GALNT2: variants seen among roughly 807,000 people sequenced by gnomAD.
GALNT2 encodes polypeptide N-acetylgalactosaminyltransferase 2.
Under a neutral mutation model 81.4 loss-of-function variants are expected in GALNT2, and 31 were observed. That is an observed-to-expected ratio of 0.38 (90% confidence interval 0.29 to 0.51). The LOEUF (loss-of-function observed/expected upper bound fraction) is 0.51, where lower values mean the gene tolerates loss of function less well. GALNT2 is among the 20% of genes least tolerant of loss of function. The pLI is 0.87. For missense variants in GALNT2, 629 were observed against 765.7 expected (o/e 0.82, Z 2.11); for synonymous variants, 303 against 287.4 (o/e 1.05, Z -0.55).
At chr1:230,103,286 A>G (rs74822290) in intron 1 of GALNT2, among the ~76,000 whole-genome samples, 2 of 152,378 alleles carry the variant, frequency 1.3e-5, no homozygotes, top group East Asian at 3.9e-4. Context: ...CAGTTTGCAC[A>G]TCATGAGACC....
In GALNT2 at chr1:230,269,135, AT is replaced by A. The variant is rs900878263; in HGVS notation, c.1440+3778del. Among the ~76,000 whole-genome samples the A allele has an allele frequency of 2.4e-4, 30 of 126,004 alleles. 1 individual carries two copies. Among genetic ancestry groups the A allele is most frequent in the African/African-American group, 7.8e-4 (25 of 32,140 alleles). 82.7% of individuals were successfully genotyped at this position (126,004 alleles called of 152,430 possible). On this transcript the variant is annotated intron_variant, in intron 14 of 15. Transcript: ENST00000366672. ...CCACATCCTGGGATTGCTCAGAGAAATTTTTTTTTTCTTTTTTTTTTTTTGA... is the reference window on the plus strand; with the variant it reads ...CCACATCCTGGGATTGCTCAGAGAAATTTTTTTTTCTTTTTTTTTTTTTGA...
chr1:230,246,126 G>A lies in GALNT2; in HGVS notation c.793G>A (p.Gly265Arg), dbSNP rs951304412. ...TAATATGGACAACTTTCAGTATGTG[G>A]GGGCATCTGCTGACTTGAAGGGCGG... Reference protein sequence around the residue: ...VINMDNFQYVGASADLKGGFD... With the variant: ...VINMDNFQYVRASADLKGGFD... The change falls in exon 8 of 16, where the codon GGG becomes AGG. Residue 265 changes from glycine to arginine, a missense_variant. By Grantham distance (125) the Gly-to-Arg change is moderately radical. Transcript: ENST00000366672. The A allele has an allele frequency of 2.5e-6, 4 of 1,614,040 alleles. No individual in the cohort carries two copies. Among genetic ancestry groups the A allele is most frequent in the Non-Finnish European group, 3.4e-6 (4 of 1,179,980 alleles).
intron 1 of GALNT2, among the ~76,000 whole-genome samples, chr1:230,061,223 T>C (rs1263919937): frequency 6.6e-6 from 1 of 151,618 alleles, no homozygotes; most frequent in Non-Finnish European, 1.5e-5. Flanking sequence ...TGTGTGTGTG[T>C]GTCTGTATGA....
intron 1 of GALNT2, among the ~76,000 whole-genome samples, chr1:230,132,061 A>G (rs879921296): frequency 2.0e-5 from 3 of 148,934 alleles, no homozygotes; most frequent in Non-Finnish European, 3.0e-5. Flanking sequence ...CACTAGAAGC[A>G]GGGTGCCTTT....
rs1308104663 is a variant in GALNT2, at chr1:230,280,132, C to T, written c.*674C>T. On this transcript the variant is annotated 3_prime_UTR_variant, in exon 16 of 16. Transcript: ENST00000366672. ...GTAGATCATCGTCATCTTGTATATT[C>T]CCCACAAAGCCGTTCGCAGCTTCCG... 2 of 397,044 alleles carry T rather than the reference C, an allele frequency of 5.0e-6. No homozygotes were observed. Among genetic ancestry groups the T allele is most frequent in the Non-Finnish European group, 1.0e-5 (2 of 197,200 alleles). The allele number at this position is 397,044 out of a possible 1,614,324, so 24.6% of individuals were successfully genotyped here. A position where few individuals can be genotyped will look rare whatever the true frequency, so the allele number is the denominator to read the frequency against.
chr1:230,280,153 T>C lies in GALNT2; in HGVS notation c.*695T>C. 2.6e-6 allele frequency: 1 copy of C among 378,648 alleles called. No homozygotes were observed. The highest frequency in any genetic ancestry group is 2.0e-5 in the South Asian group (1 of 50,280). The allele number at this position is 378,648 out of a possible 1,614,324, so 23.5% of individuals were successfully genotyped here. The stretch of plus-strand genomic sequence containing the variant: ...TATTCCCCACAAAGCCGTTCGCAGC[T>C]TCCGGGAGAAGGGGCCAGAGCCCGG... On this transcript the variant is annotated 3_prime_UTR_variant, in exon 16 of 16. Transcript: ENST00000366672.
At chr1:230,250,581 T>A in intron 10 of GALNT2, 21 bp downstream of exon 10, 1 of 1,580,040 alleles carries the variant, frequency 6.3e-7, no homozygotes, top group Non-Finnish European at 8.7e-7. Context: ...GCCTCAAATC[T>A]CAGGACAGAG....
chr1:230,135,773 C>CCT (rs1303165838), intron 1 of GALNT2, among the ~76,000 whole-genome samples: 1 of 152,104 alleles, frequency 6.6e-6, no homozygotes, highest in Non-Finnish European at 1.5e-5. Flanking sequence ...GCAGCCTCGA[C>CCT]CTCCTGGGTT....
chr1:230,237,955 C>T (rs1665083166), intron 6 of GALNT2, among the ~76,000 whole-genome samples: 1 of 152,076 alleles, frequency 6.6e-6, no homozygotes, highest in South Asian at 2.1e-4. Flanking sequence ...GCTTAGAAAT[C>T]AGAACAATGC....
chr1:230,115,389 G>A (rs1660815044), intron 1 of GALNT2, among the ~76,000 whole-genome samples: 1 of 152,126 alleles, frequency 6.6e-6, no homozygotes, highest in East Asian at 1.9e-4. Context: ...AAGCAAATAC[G>A]GCAGTAAAGC....
chr1:230,063,215 G>A (rs1177121402), upstream of GALNT2, among the ~76,000 whole-genome samples: 1 of 151,820 alleles, frequency 6.6e-6, no homozygotes, highest in Admixed American at 6.6e-5. Context: ...GGAGTCTGAG[G>A]CAGGAGAATG....
At chr1:230,124,049 G>GAT (rs1408757954) in intron 1 of GALNT2, among the ~76,000 whole-genome samples, 1 of 152,218 alleles carries the variant, frequency 6.6e-6, no homozygotes, top group African/African-American at 2.4e-5. Flanking sequence ...ATGACCTGAA[G>GAT]ATATGACTCC....
intron 2 of GALNT2, among the ~76,000 whole-genome samples, chr1:230,200,722 CTT>C (rs1663866412): frequency 6.6e-6 from 1 of 152,254 alleles, no homozygotes; most frequent in Non-Finnish European, 1.5e-5. Flanking sequence ...AGTCCTCAGA[CTT>C]TGCTGTCCCC....
chr1:230,149,450 T>G (rs1368928074), intron 1 of GALNT2, among the ~76,000 whole-genome samples: 1 of 152,138 alleles, frequency 6.6e-6, no homozygotes, highest in Non-Finnish European at 1.5e-5. Context: ...ATTATTGCAG[T>G]GATTCTTAGG....
At chr1:230,126,361 T>G (rs1661176073) in intron 1 of GALNT2, among the ~76,000 whole-genome samples, 1 of 152,106 alleles carries the variant, frequency 6.6e-6, no homozygotes, top group South Asian at 2.1e-4. Flanking sequence ...AGCCATGCAC[T>G]TTTTGGGGCC....
At chr1:230,200,097 C>T (rs1426311900) in intron 2 of GALNT2, among the ~76,000 whole-genome samples, 2 of 137,926 alleles carry the variant, frequency 1.5e-5, no homozygotes, top group African/African-American at 5.5e-5. Context: ...GAGTCTTGCA[C>T]TGTTGCCCAG....
intron 1 of GALNT2, among the ~76,000 whole-genome samples, chr1:230,113,248 T>G (rs184652297): frequency 4.8e-4 from 73 of 152,258 alleles, no homozygotes; most frequent in African/African-American, 1.7e-3. Flanking sequence ...AAGGTCAGGC[T>G]TGGAGAGTGA....
intron 1 of GALNT2, among the ~76,000 whole-genome samples, chr1:230,095,950 G>A (rs61825388): frequency 3.1e-4 from 47 of 152,382 alleles, no homozygotes; most frequent in Non-Finnish European, 5.4e-4. Flanking sequence ...CTCACCATGG[G>A]ACATAAGAAC....
At chr1:230,136,588 C>T (rs950578564) in intron 1 of GALNT2, among the ~76,000 whole-genome samples, 3 of 152,186 alleles carry the variant, frequency 2.0e-5, no homozygotes, top group Non-Finnish European at 4.4e-5. Context: ...ATGAGGGAGG[C>T]GTTGTCTTCA....
Sources: allele counts gnomAD v4.1 joint callset (sites outside exome capture counted in the v4.1 genomes callset), GRCh38; gene constraint gnomAD v4.1.1; transcripts MANE v1.5; gene names NCBI Gene and HGNC (gene_info 2026-07-23, HGNC 2026-07-21).